The following CDKAL1 variants were observed in gnomAD, a reference collection of about 807,000 sequenced individuals.
The protein encoded by CDKAL1 is CDKAL1 threonylcarbamoyladenosine tRNA methylthiotransferase, also known as threonylcarbamoyladenosine tRNA methylthiotransferase.
CDKAL1 carries 32 observed loss-of-function variants against 68.2 expected under a neutral mutation model. That is an observed-to-expected ratio of 0.47 (90% CI 0.35 to 0.63). The LOEUF (loss-of-function observed/expected upper bound fraction) is 0.63, where lower values mean the gene tolerates loss of function less well. Ranked by LOEUF, CDKAL1 falls within the 30% of genes least tolerant of loss-of-function variation. CDKAL1 has a pLI of 0.00. For missense variants in CDKAL1, 606 were observed against 696.7 expected (o/e 0.87, Z 1.47); for synonymous variants, 234 against 244.3 (o/e 0.96, Z 0.39).
chr6:20,913,115 T>A (rs1045537397), intron 9 of CDKAL1, among the ~76,000 whole-genome samples: 1 of 77,392 alleles, frequency 1.3e-5, no homozygotes, highest in African/African-American at 7.0e-5. Context: ...CCACAGTTGT[T>A]TACACACACA....
At position 20,955,444 on chromosome 6, in the gene CDKAL1, C is replaced by A; in HGVS notation, c.768C>A (p.Thr256=). The change falls in exon 10 of 16, where the codon ACC becomes ACA. Residue 256 remains threonine (T), a synonymous_variant. Coordinates refer to ENST00000274695, the MANE Select transcript of CDKAL1 (RefSeq NM_017774.3). ...FQEGVCEIWL[T]SEDTGAYGRD... is the part of the protein sequence containing the mutation. The stretch of plus-strand genomic sequence containing the variant: ...AGGGTGTTTGTGAGATATGGTTGAC[C>A]AGTGAAGACACGGGGGCTTATGGCA... 1 of 1,614,080 alleles carries A rather than the reference C, an allele frequency of 6.2e-7. No homozygotes were observed. The highest frequency in any genetic ancestry group is 1.3e-5 in the African/African-American group (1 of 75,024).
At chr6:21,095,284 G>A (rs572141362) in intron 12 of CDKAL1, among the ~76,000 whole-genome samples, 1 of 152,296 alleles carries the variant, frequency 6.6e-6, no homozygotes, top group East Asian at 1.9e-4. Context: ...TAGCCTGCAG[G>A]AAGGTCTATA....
At chr6:20,804,913 T>A (rs1477331789) in intron 8 of CDKAL1, among the ~76,000 whole-genome samples, 1 of 152,226 alleles carries the variant, frequency 6.6e-6, no homozygotes, top group Non-Finnish European at 1.5e-5. Context: ...CATAACTCTG[T>A]GACCAGCCCA....
intron 5 of CDKAL1, among the ~76,000 whole-genome samples, chr6:20,660,345 C>G (rs1300717383): frequency 2.0e-5 from 3 of 152,064 alleles, no homozygotes; most frequent in African/African-American, 7.2e-5. Flanking sequence ...AATGATTTTC[C>G]TTGTCCTGGG....
intron 9 of CDKAL1, among the ~76,000 whole-genome samples, chr6:20,916,410 A>G (rs993775112): frequency 2.0e-5 from 3 of 152,204 alleles, no homozygotes; most frequent in Non-Finnish European, 4.4e-5. Flanking sequence ...GAATTGAAAA[A>G]TCTACAGATG....
At chr6:21,226,062 AG>A (rs1328081638) in intron 15 of CDKAL1, among the ~76,000 whole-genome samples, 1 of 152,232 alleles carries the variant, frequency 6.6e-6, no homozygotes, top group East Asian at 1.9e-4. Context: ...AGCTGGGATT[AG>A]AGCCCAGAGC....
rs181287616 is a variant in CDKAL1, at chr6:20,705,922, G to T, written c.372-33597G>T. Among the ~76,000 whole-genome samples the T allele has an allele frequency of 9.9e-4, 151 of 152,238 alleles. 1 individual carries two copies. The highest frequency in any genetic ancestry group is 3.4e-3 in the African/African-American group (140 of 41,534). On this transcript the variant is annotated intron_variant, in intron 5 of 15. Transcript: ENST00000274695. ...GGTCTGGTAGTATGTGTTCATAGCG[G>T]GGTTGCTTTATGAGTAGGTCCACTG...
chr6:20,641,732 A>C (rs1318685350), intron 4 of CDKAL1, among the ~76,000 whole-genome samples: 1 of 152,224 alleles, frequency 6.6e-6, no homozygotes, highest in Non-Finnish European at 1.5e-5. Context: ...TAATTTATTT[A>C]ACCAGTGTCG....
intron 10 of CDKAL1, among the ~76,000 whole-genome samples, chr6:20,981,192 GTTTA>G (rs1314043836): frequency 6.6e-6 from 1 of 152,126 alleles, no homozygotes; most frequent in Non-Finnish European, 1.5e-5. Flanking sequence ...GAGAAATCAA[GTTTA>G]TTTAGGAGAA....
chr6:21,077,106 T>G (rs1772111964), intron 12 of CDKAL1, among the ~76,000 whole-genome samples: 1 of 150,656 alleles, frequency 6.6e-6, no homozygotes, highest in South Asian at 2.1e-4. Flanking sequence ...GATTTTTCTA[T>G]TAGACAATTT....
At chr6:20,962,602 G>A (rs1765108777) in intron 10 of CDKAL1, among the ~76,000 whole-genome samples, 1 of 152,096 alleles carries the variant, frequency 6.6e-6, no homozygotes, top group Admixed American at 6.6e-5. Context: ...CTGTGCTTAT[G>A]TTTCATCAAA....
In CDKAL1 at chr6:21,198,015, CCA is replaced by C; in HGVS notation, c.1300-3_1300-2del. On this transcript the variant is annotated splice_region_variant and splice_polypyrimidine_tract_variant and intron_variant, in intron 13 of 15. Coordinates refer to ENST00000274695, the MANE Select transcript of CDKAL1 (RefSeq NM_017774.3). ...TTCCTTTCTTTCCCTCCCCTTCTCT[CCA>C]CAGATTGGTGAAAGACAACAAGTGT... is the stretch of plus-strand genomic sequence containing the variant. 1.3e-6 allele frequency: 2 copies of C among 1,582,580 alleles called. No homozygotes were observed. The highest frequency in any genetic ancestry group is 3.4e-5 in the Admixed American group (2 of 58,224).
At chr6:20,719,302 T>G (rs981889547) in intron 5 of CDKAL1, among the ~76,000 whole-genome samples, 9 of 152,242 alleles carry the variant, frequency 5.9e-5, no homozygotes, top group Non-Finnish European at 2.9e-5. Context: ...GTTCTTTGAG[T>G]TGTGCTCTCT....
rs189119679 is a variant in CDKAL1 at position 21,087,749 on chromosome 6, A to G, written c.1237-20652A>G. On this transcript the variant is annotated intron_variant, in intron 12 of 15. Transcript: ENST00000274695. Reference sequence around the variant, plus strand: ...AATAATTTTATATATGTGTGTTTATATAAATGTATATTTAATTATATTTAA... The same window carrying G: ...AATAATTTTATATATGTGTGTTTATGTAAATGTATATTTAATTATATTTAA... Among the ~76,000 whole-genome samples the G allele has an allele frequency of 1.3e-4, 20 of 152,276 alleles. No individual in the cohort carries two copies. The East Asian group carries it at 3.9e-3, about 29-fold the overall frequency.
chr6:21,220,074 T>G (rs1582441156), intron 15 of CDKAL1, among the ~76,000 whole-genome samples: 1 of 152,222 alleles, frequency 6.6e-6, no homozygotes, highest in Non-Finnish European at 1.5e-5. Flanking sequence ...GATGCTTATC[T>G]CCAGCCACTA....
At chr6:20,575,824 A>G (rs2127683477) in intron 4 of CDKAL1, among the ~76,000 whole-genome samples, 1 of 152,156 alleles carries the variant, frequency 6.6e-6, no homozygotes, top group South Asian at 2.1e-4. Flanking sequence ...TTTCATTTGC[A>G]AGGAGGTCAT....
intron 9 of CDKAL1, among the ~76,000 whole-genome samples, chr6:20,883,644 A>G (rs1443477349): frequency 2.0e-5 from 3 of 152,254 alleles, no homozygotes; most frequent in African/African-American, 7.2e-5. Flanking sequence ...GTCTTGATAT[A>G]TGCATCTTTC....
intron 9 of CDKAL1, 107 bp downstream of exon 9, chr6:20,846,285 G>T: frequency 3.1e-6 from 2 of 636,980 alleles, no homozygotes; most frequent in Non-Finnish European, 5.4e-6. Context: ...TTTCTGAAGA[G>T]TTTTACAAAT....
intron 8 of CDKAL1, among the ~76,000 whole-genome samples, chr6:20,834,033 G>A (rs139008318): frequency 1.1e-3 from 160 of 152,260 alleles, no homozygotes; most frequent in African/African-American, 3.7e-3. Context: ...CATCTGATGC[G>A]TTCTCTAAGA....
Sources: allele counts gnomAD v4.1 joint callset (sites outside exome capture counted in the v4.1 genomes callset), GRCh38; gene constraint gnomAD v4.1.1; transcripts MANE v1.5; gene names NCBI Gene and HGNC (gene_info 2026-07-23, HGNC 2026-07-21).